TENM4: variants seen among roughly 807,000 people sequenced by gnomAD.
TENM4 encodes teneurin transmembrane protein 4.
In TENM4, 82 loss-of-function variants were observed where a neutral mutation model predicts 243.3. That is an observed-to-expected ratio of 0.34 (90% confidence interval 0.28 to 0.40). TENM4 has a LOEUF of 0.40. Ranked by LOEUF, TENM4 falls within the 10% of genes least tolerant of loss-of-function variation. The pLI, the probability that TENM4 is intolerant of heterozygous loss-of-function variation, is 1.00. For missense variants in TENM4, 3,138 were observed against 3,673.3 expected (o/e 0.85, Z 3.77); for synonymous variants, 1,412 against 1,456.3 (o/e 0.97, Z 0.69).
intron 28 of TENM4, among the ~76,000 whole-genome samples, chr11:78,688,892 C>T (rs1185110513): frequency 6.6e-6 from 1 of 152,194 alleles, no homozygotes; most frequent in Non-Finnish European, 1.5e-5. Context: ...TATGGTCTTT[C>T]TAAAGCATCA....
intron 1 of TENM4, among the ~76,000 whole-genome samples, chr11:79,417,625 G>A (rs781586490): frequency 6.6e-6 from 1 of 152,218 alleles, no homozygotes. Context: ...AGAACACTAT[G>A]TATGTCTCCT....
At chr11:79,334,608 T>C (rs509645) in intron 1 of TENM4, among the ~76,000 whole-genome samples, 64,485 of 151,942 alleles carry the variant, frequency 0.42, 13,942 homozygotes, top group South Asian at 0.61. Flanking sequence ...CCAACCATCC[T>C]CAGGAAAAAA....
chr11:79,251,246 G>T (rs959022309), intron 2 of TENM4, among the ~76,000 whole-genome samples: 3 of 152,136 alleles, frequency 2.0e-5, no homozygotes, highest in African/African-American at 7.2e-5. Context: ...ACCTTGGAAG[G>T]GTTTCCTCCC....
chr11:79,437,690 G>A (rs1238377858), intron 1 of TENM4, among the ~76,000 whole-genome samples: 1 of 152,200 alleles, frequency 6.6e-6, no homozygotes, highest in African/African-American at 2.4e-5. Flanking sequence ...TGGGGCGAGG[G>A]AGCTGGGATG....
intron 1 of TENM4, among the ~76,000 whole-genome samples, chr11:79,399,450 G>A (rs559058973): frequency 3.9e-5 from 6 of 152,172 alleles, no homozygotes; most frequent in Admixed American, 3.3e-4. Context: ...GGGAGTGGGA[G>A]AGCAATAAGT....
In TENM4 at chr11:79,013,274, A is replaced by G. The variant is rs77219450; in HGVS notation, c.493+51464T>C. 2.0e-3 allele frequency among the ~76,000 whole-genome samples: 298 copies of G among 152,262 alleles called. 1 individual carries two copies. The highest frequency in any genetic ancestry group is 6.3e-3 in the African/African-American group (260 of 41,564). ...ATTTCCACCTCCCGCATTCCTTGCA[A>G]CGTCTTCTCAGGCTCTTCCTTGTTA... is the stretch of plus-strand genomic sequence containing the variant. On this transcript the variant is annotated intron_variant, in intron 6 of 33. Transcript: ENST00000278550.
At chr11:78,846,712 C>A (rs559895711) in intron 12 of TENM4, among the ~76,000 whole-genome samples, 1 of 137,894 alleles carries the variant, frequency 7.3e-6, no homozygotes, top group East Asian at 1.9e-4. Flanking sequence ...CATGAGAAAC[C>A]TCAAGGCCAA....
At position 79,358,968 on chromosome 11, in the gene TENM4, C is replaced by T. The variant is rs575795020; in HGVS notation, c.-320-61425G>A. On this transcript the variant is annotated intron_variant, in intron 1 of 33. Coordinates refer to ENST00000278550, the MANE Select transcript of TENM4 (RefSeq NM_001098816.3). ...AAAAGGCATTTTTTTTTTTTTTTGG[C>T]ATAAGAATAAATCTATGGCTAGGCA... 3.3e-4 allele frequency among the ~76,000 whole-genome samples: 45 copies of T among 137,960 alleles called. 1 individual carries two copies. The South Asian group carries it at 8.4e-3, about 26-fold the overall frequency. 90.5% of individuals were successfully genotyped at this position (137,960 alleles called of 152,430 possible). A position where few individuals can be genotyped will look rare whatever the true frequency, so the allele number is the denominator to read the frequency against.
chr11:78,858,016 C>A (rs569672342), intron 10 of TENM4, among the ~76,000 whole-genome samples: 2 of 152,162 alleles, frequency 1.3e-5, no homozygotes, highest in Non-Finnish European at 2.9e-5. Context: ...TCCAAGGATG[C>A]GTTTCCTTTG....
chr11:79,071,919 T>C (rs1860423475), intron 4 of TENM4, among the ~76,000 whole-genome samples: 1 of 152,194 alleles, frequency 6.6e-6, no homozygotes, highest in Non-Finnish European at 1.5e-5. Context: ...AGATGAATAG[T>C]TGACACTGTT....
rs374196657 is a variant in TENM4, at chr11:79,308,398, A to G, written c.-320-10855T>C. ...CATAACAAGATCTAACGGCAGGTCT[A>G]TTAACTATCATAACCGTGAGGTAGT... On this transcript the variant is annotated intron_variant, in intron 1 of 33. Coordinates refer to ENST00000278550, the MANE Select transcript of TENM4 (RefSeq NM_001098816.3). 5.1e-3 allele frequency among the ~76,000 whole-genome samples: 783 copies of G among 152,226 alleles called. 6 individuals are homozygous for G. Among genetic ancestry groups the G allele is most frequent in the African/African-American group, 0.018 (743 of 41,552 alleles).
At position 79,173,847 on chromosome 11, in the gene TENM4, C is replaced by T. The variant is rs147657860; in HGVS notation, c.-162-25041G>A. ...AAAACTGAAGTACAAATTTAGCAGCCGCATTTAGCCCAGAAGAATGTCTTC... is the reference window on the plus strand; with the variant it reads ...AAAACTGAAGTACAAATTTAGCAGCTGCATTTAGCCCAGAAGAATGTCTTC... On this transcript the variant is annotated intron_variant, in intron 3 of 33. Coordinates refer to ENST00000278550, the MANE Select transcript of TENM4 (RefSeq NM_001098816.3). Among the ~76,000 whole-genome samples, 13 of 152,218 alleles carry T rather than the reference C, an allele frequency of 8.5e-5. No homozygotes were observed. The East Asian group carries it at 1.2e-3, about 14-fold the overall frequency.
Position 78,704,072 on chromosome 11 carries a change from TATAA to T in TENM4, c.4210-1673_4210-1670del, listed in dbSNP as rs928234686. 3.5e-4 allele frequency among the ~76,000 whole-genome samples: 52 copies of T among 148,230 alleles called. No individual in the cohort carries two copies. The East Asian group carries it at 8.9e-3, about 25-fold the overall frequency. On this transcript the variant is annotated intron_variant, in intron 27 of 33. Transcript: ENST00000278550. ...ACACACACACACACACACATATATATATAAATATATACATACATATACATATGTA... is the reference window on the plus strand; with the variant it reads ...ACACACACACACACACACATATATATATATATACATACATATACATATGTA...
At chr11:78,785,976 A>T (rs1468234890) in intron 16 of TENM4, among the ~76,000 whole-genome samples, 1 of 32,146 alleles carries the variant, frequency 3.1e-5, no homozygotes, top group African/African-American at 7.2e-5. Flanking sequence ...CCTTCATTTA[A>T]AAAAAAAACC....
At chr11:79,317,002 C>T (rs184167349) in intron 1 of TENM4, among the ~76,000 whole-genome samples, 7 of 152,338 alleles carry the variant, frequency 4.6e-5, no homozygotes, top group East Asian at 1.9e-4. Flanking sequence ...TCTTGCCACA[C>T]GTCTGTTATT....
At chr11:78,783,843 A>C (rs1856884041) in intron 16 of TENM4, among the ~76,000 whole-genome samples, 1 of 152,214 alleles carries the variant, frequency 6.6e-6, no homozygotes, top group African/African-American at 2.4e-5. Context: ...TTTAATTCCT[A>C]CTATAATAAT....
chr11:79,416,653 G>A (rs1188457169), intron 1 of TENM4, among the ~76,000 whole-genome samples: 2 of 152,110 alleles, frequency 1.3e-5, no homozygotes, highest in Non-Finnish European at 1.5e-5. Context: ...ACAACCTAAC[G>A]AGATGGTATT....
intron 6 of TENM4, among the ~76,000 whole-genome samples, chr11:78,939,350 G>A (rs1028052021): frequency 1.3e-5 from 2 of 152,230 alleles, no homozygotes; most frequent in African/African-American, 4.8e-5. Flanking sequence ...AAACTTTACA[G>A]CGTGATCTTC....
intron 6 of TENM4, among the ~76,000 whole-genome samples, chr11:78,968,049 C>T (rs1043779927): frequency 2.0e-5 from 3 of 152,154 alleles, no homozygotes; most frequent in African/African-American, 7.2e-5. Flanking sequence ...TGGTGCCCTC[C>T]CCCTGGAAAT....
Sources: allele counts gnomAD v4.1 joint callset (sites outside exome capture counted in the v4.1 genomes callset), GRCh38; gene constraint gnomAD v4.1.1; transcripts MANE v1.5; gene names NCBI Gene and HGNC (gene_info 2026-07-23, HGNC 2026-07-21).